Variants in GABBR2 observed in about 807,000 individuals in gnomAD.
GABBR2 encodes G-protein coupled receptor 51.
In GABBR2, 23 loss-of-function variants were observed where a neutral mutation model predicts 105.6. The ratio of observed to expected loss-of-function variants is 0.22; its 90% CI spans 0.16 to 0.31. The LOEUF is 0.31. Among genes scored for constraint, GABBR2 ranks in the 10% least tolerant of loss-of-function variants. GABBR2 has a pLI of 1.00. For synonymous variants in GABBR2, 478 were observed against 499.7 expected (o/e 0.96, Z 0.58); for missense variants, 734 against 1,245.5 (o/e 0.59, Z 6.18).
At chr9:98,398,271 G>T (rs139008006) in intron 8 of GABBR2, among the ~76,000 whole-genome samples, 1 of 152,132 alleles carries the variant, frequency 6.6e-6, no homozygotes, top group East Asian at 1.9e-4. Flanking sequence ...AACAAAAGAT[G>T]ATCTTGGCTC....
chr9:98,531,979 C>T (rs1283079898), intron 3 of GABBR2, among the ~76,000 whole-genome samples: 1 of 152,188 alleles, frequency 6.6e-6, no homozygotes, highest in African/African-American at 2.4e-5. Flanking sequence ...TGTCTGTGCA[C>T]CACCCGTGTA....
At position 98,308,298 on chromosome 9, in the gene GABBR2, G is replaced by T. The variant is rs550630556; in HGVS notation, c.2005-1953C>A. Among the ~76,000 whole-genome samples, 4 of 152,258 alleles carry T rather than the reference G, an allele frequency of 2.6e-5. 1 individual carries two copies. In the South Asian group the frequency reaches 8.3e-4, roughly 32 times the overall value. ...GGCTGTAAATCTCTAAAGAGTGTCAGGAGGAAACACAAAGTAACTTGTTCT... is the reference window on the plus strand; with the variant it reads ...GGCTGTAAATCTCTAAAGAGTGTCATGAGGAAACACAAAGTAACTTGTTCT... On this transcript the variant is annotated intron_variant, in intron 14 of 18. Coordinates refer to ENST00000259455, the MANE Select transcript of GABBR2 (RefSeq NM_005458.8).
At chr9:98,341,855 G>A (rs1412155862) in intron 13 of GABBR2, among the ~76,000 whole-genome samples, 2 of 152,172 alleles carry the variant, frequency 1.3e-5, no homozygotes, top group African/African-American at 4.8e-5. Context: ...ATTGCAACTC[G>A]GCAAAGACAT....
chr9:98,543,609 C>T (rs888307835), intron 2 of GABBR2, among the ~76,000 whole-genome samples: 21 of 152,154 alleles, frequency 1.4e-4, no homozygotes, highest in Non-Finnish European at 2.8e-4. Context: ...AAGCCTCTGG[C>T]CTCAGCCTCC....
At chr9:98,351,681 A>G (rs1380620627) in intron 13 of GABBR2, among the ~76,000 whole-genome samples, 1 of 152,128 alleles carries the variant, frequency 6.6e-6, no homozygotes, top group Non-Finnish European at 1.5e-5. Flanking sequence ...TCTTAATGAT[A>G]TCTATCTCTG....
Position 98,303,934 on chromosome 9 carries a change from G to A in GABBR2, c.2230-511C>T, listed in dbSNP as rs184472874. 5.3e-5 allele frequency among the ~76,000 whole-genome samples: 8 copies of A among 152,364 alleles called. No individual in the cohort carries two copies. In the East Asian group the frequency reaches 9.6e-4, roughly 18 times the overall value. ...ACATGGTTATTATCTCACAGTTTCC[G>A]TGAGTCAGGGGTCTGGGCATTGCTT... On this transcript the variant is annotated intron_variant, in intron 15 of 18. Coordinates refer to ENST00000259455, the MANE Select transcript of GABBR2 (RefSeq NM_005458.8).
At chr9:98,566,035 C>CCCA (rs1412983427) in intron 2 of GABBR2, among the ~76,000 whole-genome samples, 1 of 152,192 alleles carries the variant, frequency 6.6e-6, no homozygotes, top group Admixed American at 6.5e-5. Flanking sequence ...GTGGTTCCCA[C>CCCA]CCATGGCTGT....
At chr9:98,520,201 AC>A (rs1827839624) in intron 3 of GABBR2, among the ~76,000 whole-genome samples, 1 of 152,256 alleles carries the variant, frequency 6.6e-6, no homozygotes, top group African/African-American at 2.4e-5. Flanking sequence ...ATCAGAAATG[AC>A]AAAGTCAAGA....
At chr9:98,619,035 G>C (rs1389672144) in intron 1 of GABBR2, among the ~76,000 whole-genome samples, 3 of 152,124 alleles carry the variant, frequency 2.0e-5, no homozygotes, top group Non-Finnish European at 2.9e-5. Flanking sequence ...GTGAAGTGAA[G>C]TGTTCTAAGA....
chr9:98,370,188 G>C (rs1403607991), intron 12 of GABBR2, among the ~76,000 whole-genome samples: 4 of 152,156 alleles, frequency 2.6e-5, no homozygotes, highest in Non-Finnish European at 5.9e-5. Flanking sequence ...GGGTGAGGGA[G>C]AGTTTGTGTG....
In GABBR2 at chr9:98,454,172, C is replaced by A. The variant is rs759044661; in HGVS notation, c.1045G>T (p.Val349Leu). 3 of 1,613,974 alleles carry A rather than the reference C, an allele frequency of 1.9e-6. No homozygotes were observed. The highest frequency in any genetic ancestry group is 1.7e-5 in the Admixed American group (1 of 60,004). Reference sequence around the variant, plus strand: ...TACCCGTGGAACTTGCTGGGCCCCACGCCTGACCGCTTGTTGTTGTACTCT... The same window carrying A: ...TACCCGTGGAACTTGCTGGGCCCCAAGCCTGACCGCTTGTTGTTGTACTCT... The part of the protein sequence containing the change: ...EREYNNKRSG[V>L]GPSKFHGYAY... Residue 349 changes from valine to leucine, a missense_variant, in exon 7 of 19, where the codon GTG becomes TTG. Physicochemically the swap from Val to Leu is conservative, Grantham distance 32. Coordinates refer to ENST00000259455, the MANE Select transcript of GABBR2 (RefSeq NM_005458.8). The surrounding 1 kb of genome is among the most constrained non-coding windows in gnomAD (Gnocchi z 4.6).
intron 1 of GABBR2, among the ~76,000 whole-genome samples, chr9:98,688,507 T>C (rs1830648121): frequency 6.6e-6 from 1 of 152,078 alleles, no homozygotes; most frequent in Non-Finnish European, 1.5e-5. Flanking sequence ...AATTAACAGA[T>C]GTGCCTAAAT....
chr9:98,454,035 C>T lies in GABBR2; in HGVS notation c.1182G>A (p.Thr394=), dbSNP rs779647290. 14 of 1,614,054 alleles carry T rather than the reference C, an allele frequency of 8.7e-6. No homozygotes were observed. The highest frequency in any genetic ancestry group is 1.3e-5 in the African/African-American group (1 of 74,902). Residue 394 remains threonine, a synonymous_variant, in exon 7 of 19, where the codon ACG becomes ACA. Transcript: ENST00000259455. This position sits in a 1 kb window ranked among gnomAD's most constrained non-coding sequence, Gnocchi z 4.6. ...RIQDFNYTDH[T]LGRIILNAMN... Reference sequence around the variant, plus strand: ...TGGCATTGAGGATGATCCTGCCCAGCGTGTGGTCCGTGTAGTTGAAGTCCT... The same window carrying T: ...TGGCATTGAGGATGATCCTGCCCAGTGTGTGGTCCGTGTAGTTGAAGTCCT...
At chr9:98,694,849 G>A (rs2131881350) in intron 1 of GABBR2, among the ~76,000 whole-genome samples, 1 of 152,314 alleles carries the variant, frequency 6.6e-6, no homozygotes, top group South Asian at 2.1e-4. Flanking sequence ...GAAGTTAAAT[G>A]ACTAGCTCAA....
At position 98,454,850 on chromosome 9, in the gene GABBR2, T is replaced by A. The variant is rs1046384016; in HGVS notation, c.1000-633A>T. ...TCCCCTTCTAGCATCAGTAGCTCCCTGTACCCTCAAAGGCACAGTCTACCC... is the reference window on the plus strand; with the variant it reads ...TCCCCTTCTAGCATCAGTAGCTCCCAGTACCCTCAAAGGCACAGTCTACCC... On this transcript the variant is annotated intron_variant, in intron 6 of 18. Transcript: ENST00000259455. This position sits in a 1 kb window ranked among gnomAD's most constrained non-coding sequence, Gnocchi z 4.6. Among the ~76,000 whole-genome samples the A allele has an allele frequency of 1.3e-5, 2 of 148,556 alleles. No individual in the cohort carries two copies. Among genetic ancestry groups the A allele is most frequent in the African/African-American group, 4.9e-5 (2 of 40,608 alleles).
At chr9:98,631,898 T>A (rs754917087) in intron 1 of GABBR2, among the ~76,000 whole-genome samples, 1 of 152,224 alleles carries the variant, frequency 6.6e-6, no homozygotes, top group East Asian at 1.9e-4. Context: ...AGCAATTGGA[T>A]TGAAATTTTA....
At chr9:98,408,072 C>T (rs2131532589) in intron 7 of GABBR2, among the ~76,000 whole-genome samples, 1 of 152,234 alleles carries the variant, frequency 6.6e-6, no homozygotes, top group South Asian at 2.1e-4. Context: ...AGGTGCTCAG[C>T]AAATGGCAGT....
chr9:98,568,466 G>A (rs1303246096), intron 2 of GABBR2, among the ~76,000 whole-genome samples: 1 of 152,210 alleles, frequency 6.6e-6, no homozygotes, highest in East Asian at 1.9e-4. Flanking sequence ...GAAAAGGAGA[G>A]GACGGGCCTG....
chr9:98,355,442 G>A (rs775566296), intron 13 of GABBR2, among the ~76,000 whole-genome samples: 9 of 152,144 alleles, frequency 5.9e-5, no homozygotes, highest in Non-Finnish European at 1.2e-4. Context: ...ATGAGCAATT[G>A]AAATTTGAAA....
Sources: gnomAD v4.1 joint callset for allele counts (sites outside exome capture counted in the v4.1 genomes callset) on GRCh38, gnomAD v4.1.1 for gene constraint, Gnocchi (gnomAD v3.1) non-coding constraint, MANE v1.5 for transcripts, NCBI Gene and HGNC (gene_info 2026-07-23, HGNC 2026-07-21) for gene names.